VIRMA: variants seen among roughly 807,000 people sequenced by gnomAD.
VIRMA encodes protein virilizer homolog.
Under a neutral mutation model 182.4 loss-of-function variants are expected in VIRMA, and 65 were observed. That is an observed-to-expected ratio of 0.36 (90% CI 0.29 to 0.44). The LOEUF (loss-of-function observed/expected upper bound fraction) is 0.44, where lower values mean the gene tolerates loss of function less well. Ranked by LOEUF, VIRMA falls within the 20% of genes least tolerant of loss-of-function variation. VIRMA has a pLI of 1.00. For missense variants in VIRMA, 1,752 were observed against 2,158.1 expected (o/e 0.81, Z 3.73); for synonymous variants, 709 against 743.1 (o/e 0.95, Z 0.75).
At chr8:94,534,127 T>C (rs1190800372) in intron 5 of VIRMA, 1 of 152,204 alleles carries the variant, frequency 6.6e-6, no homozygotes, top group Non-Finnish European at 1.5e-5. Flanking sequence ...GCCACTGAAG[T>C]TCTTATTTTT....
intron 11 of VIRMA, among the ~76,000 whole-genome samples, chr8:94,513,199 G>A (rs537250382): frequency 2.6e-5 from 4 of 152,156 alleles, no homozygotes; most frequent in African/African-American, 9.6e-5. Context: ...TTAGCCAAGC[G>A]TGGTAGCACG....
intron 20 of VIRMA, among the ~76,000 whole-genome samples, chr8:94,493,633 C>T (rs1813676392): frequency 6.6e-6 from 1 of 152,134 alleles, no homozygotes; most frequent in African/African-American, 2.4e-5. Context: ...TTTAAAGAAC[C>T]ACTGAACAGC....
intron 1 of VIRMA, among the ~76,000 whole-genome samples, chr8:94,546,481 T>C (rs1232146981): frequency 6.6e-6 from 1 of 151,240 alleles, no homozygotes; most frequent in African/African-American, 2.5e-5. Context: ...GTCACTCCTT[T>C]AGTTCCATAT....
intron 19 of VIRMA, among the ~76,000 whole-genome samples, 199 bp downstream of exon 19, chr8:94,495,532 G>A (rs1411662324): frequency 2.0e-5 from 3 of 146,842 alleles, no homozygotes; most frequent in Non-Finnish European, 4.5e-5. Context: ...TGTACAGCCT[G>A]CAAGCTAGCA....
intron 2 of VIRMA, 132 bp from the exon 3 acceptor site, chr8:94,538,478 C>G (rs1815419310): frequency 1.7e-6 from 1 of 582,230 alleles, no homozygotes; most frequent in Non-Finnish European, 3.0e-6. Flanking sequence ...ATTTAAATAA[C>G]AAAAATATAG....
Position 94,527,374 on chromosome 8 carries a change from G to T in VIRMA, c.881-11C>A. 3 of 1,490,544 alleles carry T rather than the reference G, an allele frequency of 2.0e-6. No individual in the cohort carries two copies. The East Asian group carries it at 6.9e-5, about 34-fold the overall frequency. 92.3% of individuals were successfully genotyped at this position (1,490,544 alleles called of 1,614,324 possible). A position where few individuals can be genotyped will look rare whatever the true frequency, so the allele number is the denominator to read the frequency against. ...CATAACCATCATCCCCTGAAAATTA[G>T]TATGAATAATATTTAAGTATTACAT... On this transcript the variant is annotated splice_polypyrimidine_tract_variant and intron_variant, in intron 7 of 23. Transcript: ENST00000297591.
intron 17 of VIRMA, chr8:94,497,079 A>G (rs1813805631): frequency 6.6e-6 from 1 of 152,182 alleles, no homozygotes; most frequent in South Asian, 2.1e-4. Flanking sequence ...CTACCTAAAC[A>G]TTGTATAAAA....
Position 94,509,789 on chromosome 8 carries a change from A to G in VIRMA, c.3778T>C (p.Phe1260Leu), listed in dbSNP as rs765093295. ...IKGDERYAEI[F>L]QDLLALVRSP... ...CGCACCAAAGCTAAAAGATCCTGGAATATCTCTGCATATCTTTCATCACCT... is the reference window on the plus strand; with the variant it reads ...CGCACCAAAGCTAAAAGATCCTGGAGTATCTCTGCATATCTTTCATCACCT... The change falls in exon 15 of 24, where the codon TTC becomes CTC. Residue 1260 changes from phenylalanine (F) to leucine (L), a missense_variant. This residue lies in a region of VIRMA where 777 missense variants were observed against 920.6 expected (regional missense o/e 0.84). Transcript: ENST00000297591. 2 of 1,614,054 alleles carry G rather than the reference A, an allele frequency of 1.2e-6. No homozygotes were observed. Among genetic ancestry groups the G allele is most frequent in the South Asian group, 2.2e-5 (2 of 91,084 alleles).
Position 94,543,921 on chromosome 8 carries a change from C to A in VIRMA, c.85G>T (p.Val29Phe), listed in dbSNP as rs1253509526. Residue 29 changes from valine (V) to phenylalanine (F), a missense_variant, in exon 2 of 24, where the codon GTT (valine) becomes TTT (phenylalanine). This residue lies in a region of VIRMA where 195 missense variants were observed against 191.7 expected (regional missense o/e 1.02). Coordinates refer to ENST00000297591, the MANE Select transcript of VIRMA (RefSeq NM_015496.5). ...ATATAAACCACACATGGAAAACGAA[C>A]CACATCTATATGAGAACTTTGCTGT... ...SAEQSSHIDV[V>F]RFPCVVYINE... is the part of the protein sequence containing the mutation. 1 of 1,610,276 alleles carries A rather than the reference C, an allele frequency of 6.2e-7. No homozygotes were observed. The highest frequency in any genetic ancestry group is 8.5e-7 in the Non-Finnish European group (1 of 1,177,092).
rs558546408 is a variant in VIRMA at position 94,508,789 on chromosome 8, T to C, written c.3879+899A>G. On this transcript the variant is annotated intron_variant, in intron 15 of 23. Transcript: ENST00000297591. Reference sequence around the variant, plus strand: ...GGTAGAAAAAGACAGTCTTCCAACATGGGACTCTATTCTGCCTGAAAAAAA... The same window carrying C: ...GGTAGAAAAAGACAGTCTTCCAACACGGGACTCTATTCTGCCTGAAAAAAA... Among the ~76,000 whole-genome samples, 236 of 151,532 alleles carry C rather than the reference T, an allele frequency of 1.6e-3. 1 individual carries two copies. Among genetic ancestry groups the C allele is most frequent in the Non-Finnish European group, 2.4e-3 (160 of 67,906 alleles).
chr8:94,523,666 T>C (rs992508931), intron 8 of VIRMA, among the ~76,000 whole-genome samples: 29 of 151,664 alleles, frequency 1.9e-4, no homozygotes, highest in African/African-American at 6.8e-4. Flanking sequence ...TTCGCTCTTG[T>C]CGCCCAGGCA....
chr8:94,494,134 CA>C (rs1416525624), intron 20 of VIRMA, among the ~76,000 whole-genome samples: 1 of 152,112 alleles, frequency 6.6e-6, no homozygotes, highest in Non-Finnish European at 1.5e-5. Context: ...AGAACTTATG[CA>C]AAAGTGTGAT....
At chr8:94,497,909 G>A (rs1813846953) in intron 17 of VIRMA, 1 of 152,324 alleles carries the variant, frequency 6.6e-6, no homozygotes, top group South Asian at 2.1e-4. Flanking sequence ...TACTCAGGAG[G>A]CTGAGGTGGA....
intron 7 of VIRMA, among the ~76,000 whole-genome samples, chr8:94,528,306 T>C (rs1231712864): frequency 6.8e-6 from 1 of 147,600 alleles, no homozygotes; most frequent in Non-Finnish European, 1.5e-5. Flanking sequence ...CCAAATACAA[T>C]AAATCTAGAA....
rs115013706 is a variant in VIRMA at position 94,487,726 on chromosome 8, A to G, written c.*980T>C. 6.6e-6 allele frequency: 1 copy of G among 152,218 alleles called. No individual in the cohort carries two copies. The highest frequency in any genetic ancestry group is 1.5e-5 in the Non-Finnish European group (1 of 68,038). 9.4% of individuals were successfully genotyped at this position (152,218 alleles called of 1,614,324 possible). A position where few individuals can be genotyped will look rare whatever the true frequency, so the allele number is the denominator to read the frequency against. ...GATAACTCTGTATTTTACGCCACTT[A>G]TATAGACTCAGTGTGTTAAGACGTA... On this transcript the variant is annotated 3_prime_UTR_variant, in exon 24 of 24. Transcript: ENST00000297591.
At chr8:94,540,588 A>G (rs901090010) in intron 2 of VIRMA, among the ~76,000 whole-genome samples, 1 of 151,538 alleles carries the variant, frequency 6.6e-6, no homozygotes, top group Non-Finnish European at 1.5e-5. Context: ...CAGCAACCCA[A>G]GTAGCTGAGA....
At chr8:94,537,749 T>C (rs16916874) in intron 3 of VIRMA, among the ~76,000 whole-genome samples, 35,952 of 151,934 alleles carry the variant, frequency 0.24, 5,296 homozygotes, top group East Asian at 0.5. Context: ...TGAATGGTCA[T>C]TTGTTTGCAG....
At position 94,488,157 on chromosome 8, in the gene VIRMA, T is replaced by C. The variant is rs1024664777; in HGVS notation, c.*549A>G. The C allele has an allele frequency of 6.6e-6, 1 of 152,298 alleles. No homozygotes were observed. Among genetic ancestry groups the C allele is most frequent in the African/African-American group, 2.4e-5 (1 of 41,456 alleles). 9.4% of individuals were successfully genotyped at this position (152,298 alleles called of 1,614,324 possible). A position where few individuals can be genotyped will look rare whatever the true frequency, so the allele number is the denominator to read the frequency against. On this transcript the variant is annotated 3_prime_UTR_variant, in exon 24 of 24. Transcript: ENST00000297591. Reference sequence around the variant, plus strand: ...CATTATATTCCTTTCTATAACAACATATCTTTACAAAACTGGGTTTTCAGC... The same window carrying C: ...CATTATATTCCTTTCTATAACAACACATCTTTACAAAACTGGGTTTTCAGC...
intron 11 of VIRMA, among the ~76,000 whole-genome samples, chr8:94,512,899 A>C (rs1424514796): frequency 6.6e-6 from 1 of 152,252 alleles, no homozygotes; most frequent in Non-Finnish European, 1.5e-5. Flanking sequence ...AACAGAGTCT[A>C]GTATTGTAGC....
Sources: allele counts gnomAD v4.1 joint callset (sites outside exome capture counted in the v4.1 genomes callset), GRCh38; gene constraint gnomAD v4.1.1; regional missense constraint gnomAD v4.1.1; transcripts MANE v1.5; gene names NCBI Gene and HGNC (gene_info 2026-07-23, HGNC 2026-07-21).